EIF5: variants seen among roughly 807,000 people sequenced by gnomAD.
EIF5 encodes the protein eukaryotic translation initiation factor 5.
EIF5 carries 10 observed loss-of-function variants against 48.3 expected under a neutral mutation model. The observed-to-expected ratio is 0.21, with a 90% CI of 0.13 to 0.35. EIF5 has a LOEUF of 0.35. Among genes scored for constraint, EIF5 ranks in the 10% least tolerant of loss-of-function variants. The pLI, the probability that EIF5 is intolerant of heterozygous loss-of-function variation, is 1.00. For synonymous variants in EIF5, 237 were observed against 173.1 expected, an observed-to-expected ratio of 1.37 and a Z score of -2.90; for missense variants, 397 against 533.2, an observed-to-expected ratio of 0.74 and a Z score of 2.51.
rs548383514 is a variant in EIF5 at position 103,338,717 on chromosome 14, C to G, written c.586-18C>G. On this transcript the variant is annotated intron_variant, in intron 7 of 11. Transcript: ENST00000216554. ...GTTTTTAAGGCCTTTGATCAAGTAG[C>G]TCTGTTTTCATAAACAGGAAGAAGA... The G allele has an allele frequency of 5.1e-5, 82 of 1,610,616 alleles. No homozygotes were observed. Among genetic ancestry groups the G allele is most frequent in the Non-Finnish European group, 6.4e-5 (76 of 1,178,770 alleles).
intron 8 of EIF5, 78 bp downstream of exon 8, chr14:103,338,971 T>C: frequency 3.2e-6 from 5 of 1,541,870 alleles, no homozygotes; most frequent in Non-Finnish European, 4.4e-6. Flanking sequence ...ACTTTAGCAG[T>C]GTAATTAGGA....
intron 7 of EIF5, 34 bp from the exon 8 acceptor site, chr14:103,338,701 G>T: frequency 6.3e-7 from 1 of 1,599,234 alleles, no homozygotes; most frequent in Non-Finnish European, 8.5e-7. Flanking sequence ...TGTTTTTAAG[G>T]CCTTTGATCA....
Position 103,342,720 on chromosome 14 carries a change from T to A in EIF5, c.*1668T>A, listed in dbSNP as rs2089368033. ...CAGCTGCCTTTGATCAAGATTCGGG[T>A]GCAAGTGGAGCAGGAGCCATATACC... On this transcript the variant is annotated 3_prime_UTR_variant, in exon 12 of 12. Coordinates refer to ENST00000216554, the MANE Select transcript of EIF5 (RefSeq NM_001969.5). 6.6e-6 allele frequency: 1 copy of A among 152,626 alleles called. No individual in the cohort carries two copies. Among genetic ancestry groups the A allele is most frequent in the Admixed American group, 6.5e-5 (1 of 15,272 alleles). 9.5% of individuals were successfully genotyped at this position (152,626 alleles called of 1,614,324 possible).
rs1457156659 is a variant in EIF5 at position 103,343,755 on chromosome 14, G to A, written c.*2703G>A. On this transcript the variant is annotated 3_prime_UTR_variant, in exon 12 of 12. Coordinates refer to ENST00000216554, the MANE Select transcript of EIF5 (RefSeq NM_001969.5). ...GAACCTTTTGCATTTTGTTAGCTCA[G>A]TCAGTCCTCATCGTGGTCCTGAGGC... 4 of 152,204 alleles carry A rather than the reference G, an allele frequency of 2.6e-5. No individual in the cohort carries two copies. The highest frequency in any genetic ancestry group is 9.7e-5 in the African/African-American group (4 of 41,448). The allele number at this position is 152,204 out of a possible 1,614,324, so 9.4% of individuals were successfully genotyped here.
Position 103,339,211 on chromosome 14 carries a change from G to C in EIF5, c.784G>C (p.Glu262Gln). The C allele has an allele frequency of 6.2e-7, 1 of 1,610,388 alleles. No individual in the cohort carries two copies. Among genetic ancestry groups the C allele is most frequent in the Non-Finnish European group, 8.5e-7 (1 of 1,179,124 alleles). ...GGGTGTTATTGATTCATCTGACAAA[G>C]AAATCGTTGCTGAAGCAGAAAGACT... ...EEGVIDSSDK[E>Q]IVAEAERLDV... The change falls in exon 9 of 12, where the codon GAA becomes CAA. Residue 262 changes from glutamate (E) to glutamine (Q), a missense_variant. Glu to Gln is a conservative substitution (Grantham distance 29). Transcript: ENST00000216554.
chr14:103,339,913 C>T (rs1220467802), intron 10 of EIF5, 110 bp downstream of exon 10: 5 of 1,268,612 alleles, frequency 3.9e-6, no homozygotes, highest in African/African-American at 3.0e-5. Context: ...GGCAGGAGTA[C>T]AGTGGTATGA....
In EIF5 at chr14:103,344,234, G is replaced by GT. The variant is rs1286002306; in HGVS notation, c.*3185dup. ...TGTTAATAGGTTGGGAGCTCAGGGTGTTTATGTCCACCTGTCTGGTCTAGC... is the reference window on the plus strand; with the variant it reads ...TGTTAATAGGTTGGGAGCTCAGGGTGTTTTATGTCCACCTGTCTGGTCTAGC... On this transcript the variant is annotated 3_prime_UTR_variant, in exon 12 of 12. Transcript: ENST00000216554. 2 of 152,184 alleles carry GT rather than the reference G, an allele frequency of 1.3e-5. No homozygotes were observed. The highest frequency in any genetic ancestry group is 2.4e-5 in the African/African-American group (1 of 41,442). The allele number at this position is 152,184 out of a possible 1,614,324, so 9.4% of individuals were successfully genotyped here.
At chr14:103,340,621 A>G (rs2089342294) in intron 11 of EIF5, 60 bp downstream of exon 11, 2 of 1,566,134 alleles carry the variant, frequency 1.3e-6, no homozygotes, top group South Asian at 2.3e-5. Context: ...TGAGATTTAA[A>G]AAGGTTTGTG....
In EIF5 at chr14:103,344,936, G is replaced by C. The variant is rs892782628; in HGVS notation, c.*3884G>C. ...AAAAGATGTTGAAAGGATGAAAAAA[G>C]GTATAGTAGACATACACTAACCAAA... On this transcript the variant is annotated 3_prime_UTR_variant, in exon 12 of 12. Transcript: ENST00000216554. The C allele has an allele frequency of 3.3e-5, 5 of 152,132 alleles. No homozygotes were observed. Among genetic ancestry groups the C allele is most frequent in the African/African-American group, 9.6e-5 (4 of 41,504 alleles). 9.4% of individuals were successfully genotyped at this position (152,132 alleles called of 1,614,324 possible).
rs981599164 is a variant in EIF5 at position 103,337,209 on chromosome 14, A to G, written c.421A>G (p.Ile141Val). Residue 141 changes from isoleucine (I) to valine (V), a missense_variant, in exon 6 of 12, where the codon ATT (isoleucine) becomes GTT (valine). Physicochemically the swap from Ile to Val is conservative, Grantham distance 29. Coordinates refer to ENST00000216554, the MANE Select transcript of EIF5 (RefSeq NM_001969.5). The stretch of plus-strand genomic sequence containing the variant: ...CACACATCATAAACTCTGCACATTC[A>G]TTCTCAAAAACCCACCTGGTGAGTC... ...LDTHHKLCTF[I>V]LKNPPENSDS... 2 of 1,612,368 alleles carry G rather than the reference A, an allele frequency of 1.2e-6. No homozygotes were observed. Among genetic ancestry groups the G allele is most frequent in the African/African-American group, 1.3e-5 (1 of 74,984 alleles).
chr14:103,340,363 T>A (rs1280627887), intron 10 of EIF5, 64 bp from the exon 11 acceptor site: 1 of 1,554,970 alleles, frequency 6.4e-7, no homozygotes, highest in Non-Finnish European at 8.8e-7. Context: ...GTAAGGGGGA[T>A]TGTATAAATA....
rs2089310870 is a variant in EIF5, at chr14:103,338,123, C to G, written c.440-204C>G. 1.1e-5 allele frequency: 8 copies of G among 746,126 alleles called. No individual in the cohort carries two copies. In the South Asian group the frequency reaches 1.4e-4, roughly 13 times the overall value. The allele number at this position is 746,126 out of a possible 1,614,324, so 46.2% of individuals were successfully genotyped here. ...TTACAATACCCCTAATATTTTGTGT[C>G]ACTCCATTCTTAGACTAACATTCTT... On this transcript the variant is annotated intron_variant, in intron 6 of 11. Coordinates refer to ENST00000216554, the MANE Select transcript of EIF5 (RefSeq NM_001969.5).
At chr14:103,334,763 C>CCCGGCCCGGCCTCGCCG (rs2089262976) in intron 2 of EIF5, 166 bp downstream of exon 2, 1 of 148,634 alleles carries the variant, frequency 6.7e-6, no homozygotes, top group South Asian at 2.1e-4. Context: ...CGGCCTCGCC[C>CCCGGCCCGGCCTCGCCG]CCTCCCCGGC....
chr14:103,336,907 C>T (rs541167500), intron 5 of EIF5, 58 bp downstream of exon 5: 4 of 1,537,166 alleles, frequency 2.6e-6, no homozygotes, highest in Admixed American at 2.1e-5. Context: ...TGTGATACCG[C>T]TAAGTCACCT....
chr14:103,339,502 CAG>C (rs2089328056), intron 9 of EIF5, 135 bp from the exon 10 acceptor site: 4 of 1,427,978 alleles, frequency 2.8e-6, no homozygotes, highest in Non-Finnish European at 3.8e-6. Flanking sequence ...TACAAAGTAA[CAG>C]GGATGTTTAT....
rs952114478 is a variant in EIF5 at position 103,335,784 on chromosome 14, T to A, written c.-77T>A. ...TTGCAGTCGTTTATGTCATCCCTTC[T>A]TCTCCAGACAGAAGATACCAAAAAG... On this transcript the variant is annotated 5_prime_UTR_variant, in exon 3 of 12. Coordinates refer to ENST00000216554, the MANE Select transcript of EIF5 (RefSeq NM_001969.5). 1.2e-5 allele frequency: 18 copies of A among 1,524,134 alleles called. No homozygotes were observed. The highest frequency in any genetic ancestry group is 1.5e-5 in the Non-Finnish European group (17 of 1,100,906). The allele number at this position is 1,524,134 out of a possible 1,614,324, so 94.4% of individuals were successfully genotyped here.
rs1486184872 is a variant in EIF5 at position 103,343,989 on chromosome 14, C to T, written c.*2937C>T. The T allele has an allele frequency of 6.6e-6, 1 of 152,180 alleles. No homozygotes were observed. The highest frequency in any genetic ancestry group is 6.5e-5 in the Admixed American group (1 of 15,276). The allele number at this position is 152,180 out of a possible 1,614,324, so 9.4% of individuals were successfully genotyped here. On this transcript the variant is annotated 3_prime_UTR_variant, in exon 12 of 12. Coordinates refer to ENST00000216554, the MANE Select transcript of EIF5 (RefSeq NM_001969.5). ...TTTTGATGGTTCAAATTTCAGCCTC[C>T]CTGACTACTACAAAGCCAGAGCAGT...
chr14:103,343,325 A>G lies in EIF5; in HGVS notation c.*2273A>G, dbSNP rs1466342505. The G allele has an allele frequency of 1.3e-5, 2 of 152,178 alleles. No individual in the cohort carries two copies. Among genetic ancestry groups the G allele is most frequent in the Non-Finnish European group, 2.9e-5 (2 of 68,022 alleles). The allele number at this position is 152,178 out of a possible 1,614,324, so 9.4% of individuals were successfully genotyped here. A position where few individuals can be genotyped will look rare whatever the true frequency, so the allele number is the denominator to read the frequency against. ...CCAGCCCCACTCACAAAAGTTGTTC[A>G]TTTCATTGGGTCACTGGCTTTATTT... is the stretch of plus-strand genomic sequence containing the variant. On this transcript the variant is annotated 3_prime_UTR_variant, in exon 12 of 12. Transcript: ENST00000216554.
At chr14:103,339,609 GATT>G in intron 9 of EIF5, 27 bp from the exon 10 acceptor site, 1 of 1,600,344 alleles carries the variant, frequency 6.2e-7, no homozygotes, top group Non-Finnish European at 8.5e-7. Flanking sequence ...ACATAAAAAA[GATT>G]GTTAACACCA....
Sources: allele counts gnomAD v4.1 joint callset, GRCh38; gene constraint gnomAD v4.1.1; transcripts MANE v1.5; gene names NCBI Gene and HGNC (gene_info 2026-07-23, HGNC 2026-07-21).